RRM2B: variants seen among roughly 807,000 people sequenced by gnomAD.
RRM2B encodes ribonucleoside-diphosphate reductase subunit M2 B.
Under a neutral mutation model 45.9 loss-of-function variants are expected in RRM2B, and 20 were observed. That is an observed-to-expected ratio of 0.44 (90% CI 0.31 to 0.63). The LOEUF (loss-of-function observed/expected upper bound fraction) is 0.63, where lower values mean the gene tolerates loss of function less well. RRM2B is among the 30% of genes least tolerant of loss of function. RRM2B has a pLI of 0.09. For missense variants in RRM2B, 320 were observed against 414.7 expected (o/e 0.77, Z 1.98); for synonymous variants, 124 against 132.3 (o/e 0.94, Z 0.43).
chr8:102,214,287 T>C, intron 6 of RRM2B, 129 bp from the exon 7 acceptor site: 1 of 700,004 alleles, frequency 1.4e-6, no homozygotes, highest in Non-Finnish European at 2.6e-6. Flanking sequence ...GGAAGAGGGG[T>C]TAATAGGACT....
rs779614160 is a variant in RRM2B, at chr8:102,238,709, G to T, written c.48+118C>A. 3 of 1,571,188 alleles carry T rather than the reference G, an allele frequency of 1.9e-6. No homozygotes were observed. In the Admixed American group the frequency reaches 5.5e-5, roughly 29 times the overall value. On this transcript the variant is annotated intron_variant, in intron 1 of 8. Coordinates refer to ENST00000251810, the MANE Select transcript of RRM2B (RefSeq NM_015713.5). ...GACGAAGCCAGGCTGCGGCGAGGGC[G>T]GGCGGACAGGCCTGTCCTGACCGCG...
chr8:102,224,993 T>C lies in RRM2B; in HGVS notation c.347A>G (p.Gln116Arg). Residue 116 changes from glutamine (Q) to arginine (R), a missense_variant, in exon 4 of 9, where the codon CAG becomes CGG. By Grantham distance (43) the Gln-to-Arg change is conservative. Transcript: ENST00000251810. ...NLVERFSQEVQVPEARCFYGF... is the reference protein window; with the variant it reads ...NLVERFSQEVRVPEARCFYGF... ...ATAGAAACAGCGAGCCTCTGGAACC[T>C]GCACCTCCTGACTAAAGCGCTCCAC... 5 of 1,614,112 alleles carry C rather than the reference T, an allele frequency of 3.1e-6. No individual in the cohort carries two copies. Among genetic ancestry groups the C allele is most frequent in the Non-Finnish European group, 4.2e-6 (5 of 1,180,002 alleles).
intron 1 of RRM2B, among the ~76,000 whole-genome samples, chr8:102,235,050 C>G (rs932418559): frequency 3.9e-5 from 6 of 152,120 alleles, no homozygotes; most frequent in African/African-American, 1.4e-4. Flanking sequence ...CATCTAATAA[C>G]TCTAAGATGT....
chr8:102,227,775 A>C (rs2607659), intron 2 of RRM2B, among the ~76,000 whole-genome samples: 85,923 of 151,986 alleles, frequency 0.57, 25,067 homozygotes, highest in African/African-American at 0.71. Context: ...AGGCCCTCTT[A>C]CTGATTTACA....
At position 102,214,131 on chromosome 8, in the gene RRM2B, T is replaced by A. The variant is rs1351118587; in HGVS notation, c.712A>T (p.Met238Leu). 2 of 1,613,416 alleles carry A rather than the reference T, an allele frequency of 1.2e-6. No individual in the cohort carries two copies. Among genetic ancestry groups the A allele is most frequent in the Admixed American group, 3.3e-5 (2 of 59,998 alleles). The stretch of plus-strand genomic sequence containing the variant: ...GGCTTATTTACTAAGTATTGGAACA[T>A]CAGGCAAGCAAAGTCACAGTGAAGT... ...EGLHCDFACL[M>L]FQYLVNKPSE... The change falls in exon 7 of 9, where the codon ATG becomes TTG. Residue 238 changes from methionine (M) to leucine (L), a missense_variant. Met to Leu is a conservative substitution (Grantham distance 15). Coordinates refer to ENST00000251810, the MANE Select transcript of RRM2B (RefSeq NM_015713.5).
rs756893244 is a variant in RRM2B at position 102,208,233 on chromosome 8, C to G, written c.956G>C (p.Gly319Ala). 1 of 1,599,468 alleles carries G rather than the reference C, an allele frequency of 6.3e-7. No homozygotes were observed. The highest frequency in any genetic ancestry group is 8.6e-7 in the Non-Finnish European group (1 of 1,167,520). ...TCGTTTCTCAAAGAAATTTGTTTTT[C>G]CTTCTAAAGAAATGTTTTCCATAAA... ...FDFMENISLE[G>A]KTNFFEKRVS... Residue 319 changes from glycine (G) to alanine (A), a missense_variant, in exon 9 of 9, where the codon GGA becomes GCA. Transcript: ENST00000251810.
intron 8 of RRM2B, among the ~76,000 whole-genome samples, 173 bp downstream of exon 8, chr8:102,212,603 A>G (rs1224691577): frequency 1.3e-5 from 2 of 152,208 alleles, no homozygotes; most frequent in Non-Finnish European, 2.9e-5. Context: ...TTCAGTTATT[A>G]ATTTTAAATT....
chr8:102,238,571 C>T, intron 1 of RRM2B: 1 of 1,522,766 alleles, frequency 6.6e-7, no homozygotes, highest in Non-Finnish European at 8.8e-7. Flanking sequence ...CGGCCTGAGG[C>T]CTCCAAGCGT....
At chr8:102,215,241 C>T (rs1355191695) in intron 6 of RRM2B, among the ~76,000 whole-genome samples, 1 of 150,504 alleles carries the variant, frequency 6.6e-6, no homozygotes, top group African/African-American at 2.4e-5. Context: ...GGCAAAACCC[C>T]ATCTCTGCAA....
chr8:102,236,329 T>C lies in RRM2B; in HGVS notation c.48+2498A>G, dbSNP rs111249829. ...TACCCCACAGATTTGGGGGTACAAA[T>C]AGTCATGGAGAGTTTCTGAATGGGA... On this transcript the variant is annotated intron_variant, in intron 1 of 8. Transcript: ENST00000251810. Among the ~76,000 whole-genome samples the C allele has an allele frequency of 2.0e-3, 297 of 152,158 alleles. 1 individual carries two copies. The highest frequency in any genetic ancestry group is 6.8e-3 in the African/African-American group (281 of 41,500).
chr8:102,220,102 G>T (rs985122810), intron 5 of RRM2B, among the ~76,000 whole-genome samples: 1 of 152,086 alleles, frequency 6.6e-6, no homozygotes, highest in Admixed American at 6.6e-5. Context: ...AGCTGGGTGT[G>T]GTGGTGCGCA....
At chr8:102,211,283 A>G (rs1212185144) in intron 8 of RRM2B, among the ~76,000 whole-genome samples, 1 of 152,240 alleles carries the variant, frequency 6.6e-6, no homozygotes, top group Non-Finnish European at 1.5e-5. Flanking sequence ...GGTGTGAGCC[A>G]CCGCACCTGG....
intron 8 of RRM2B, 81 bp downstream of exon 8, chr8:102,212,695 T>C (rs905630950): frequency 6.5e-6 from 5 of 767,780 alleles, no homozygotes; most frequent in Non-Finnish European, 1.1e-5. Context: ...ATGTTACAAA[T>C]GCTTTCAGTA....
intron 5 of RRM2B, 85 bp from the exon 6 acceptor site, chr8:102,219,032 C>A: frequency 2.9e-6 from 4 of 1,377,424 alleles, no homozygotes; most frequent in Non-Finnish European, 4.1e-6. Flanking sequence ...ACAATAAATA[C>A]CACAACTGTT....
intron 2 of RRM2B, among the ~76,000 whole-genome samples, chr8:102,231,659 A>G (rs2132561748): frequency 6.6e-6 from 1 of 151,910 alleles, no homozygotes; most frequent in African/African-American, 2.4e-5. Context: ...TCACAAGGTC[A>G]GGAGTTTGAG....
rs954993353 is a variant in RRM2B at position 102,207,804 on chromosome 8, C to A, written c.*329G>T. 8.7e-6 allele frequency: 2 copies of A among 230,026 alleles called. No individual in the cohort carries two copies. The highest frequency in any genetic ancestry group is 4.6e-5 in the African/African-American group (2 of 43,284). The allele number at this position is 230,026 out of a possible 1,614,324, so 14.2% of individuals were successfully genotyped here. On this transcript the variant is annotated 3_prime_UTR_variant, in exon 9 of 9. Transcript: ENST00000251810. ...TACTCCCATTTTAAAGATAAGTACA[C>A]CGAGGTTTACCAAGATTAACTGACT... is the stretch of plus-strand genomic sequence containing the variant.
At chr8:102,221,020 T>A (rs1810826604) in intron 5 of RRM2B, among the ~76,000 whole-genome samples, 1 of 152,228 alleles carries the variant, frequency 6.6e-6, no homozygotes, top group Non-Finnish European at 1.5e-5. Flanking sequence ...ACTAAGATTG[T>A]GTAGCTAATA....
chr8:102,208,963 G>A (rs1193429625), intron 8 of RRM2B, among the ~76,000 whole-genome samples: 5 of 152,078 alleles, frequency 3.3e-5, no homozygotes, highest in African/African-American at 9.7e-5. Flanking sequence ...CAGCCTGACT[G>A]ACATGGTGAA....
At chr8:102,219,622 A>G (rs939611566) in intron 5 of RRM2B, among the ~76,000 whole-genome samples, 2 of 152,240 alleles carry the variant, frequency 1.3e-5, no homozygotes, top group African/African-American at 4.8e-5. Context: ...TAAATTGTCT[A>G]CAGTGGCATC....
Sources: allele counts gnomAD v4.1 joint callset (sites outside exome capture counted in the v4.1 genomes callset), GRCh38; gene constraint gnomAD v4.1.1; transcripts MANE v1.5; gene names NCBI Gene and HGNC (gene_info 2026-07-23, HGNC 2026-07-21).